Variants in PLEKHA5 observed in about 807,000 individuals in gnomAD.
PLEKHA5 encodes the protein pleckstrin homology domain-containing family A member 5.
Under a neutral mutation model 181.9 loss-of-function variants are expected in PLEKHA5, and 55 were observed. The ratio of observed to expected loss-of-function variants is 0.30; its 90% CI spans 0.24 to 0.38. The LOEUF (loss-of-function observed/expected upper bound fraction) is 0.38, where lower values mean the gene tolerates loss of function less well. Among genes scored for constraint, PLEKHA5 ranks in the 10% least tolerant of loss-of-function variants. The pLI, the probability that PLEKHA5 is intolerant of heterozygous loss-of-function variation, is 1.00. For synonymous variants in PLEKHA5, 535 were observed against 529.4 expected, an observed-to-expected ratio of 1.01 and a Z score of -0.15; for missense variants, 1,432 against 1,549.5, an observed-to-expected ratio of 0.92 and a Z score of 1.27.
At chr12:19,308,254 A>G (rs761323904) in intron 15 of PLEKHA5, among the ~76,000 whole-genome samples, 4 of 152,162 alleles carry the variant, frequency 2.6e-5, no homozygotes, top group East Asian at 1.9e-4. Context: ...TATTGCCTCT[A>G]TGGGAATCCA....
chr12:19,130,311 T>A lies in PLEKHA5; in HGVS notation c.169+181T>A, dbSNP rs965655954. Among the ~76,000 whole-genome samples the A allele has an allele frequency of 6.6e-6, 1 of 151,112 alleles. No homozygotes were observed. The highest frequency in any genetic ancestry group is 2.0e-4 in the East Asian group (1 of 5,066). The stretch of plus-strand genomic sequence containing the variant: ...GGGGACTCCGCCGCCGGGAGTTCTC[T>A]CCAGTCTCGGGGCGCCTCTTTCTCC... On this transcript the variant is annotated intron_variant, in intron 2 of 31. Transcript: ENST00000429027. This position sits in a 1 kb window ranked among gnomAD's most constrained non-coding sequence, Gnocchi z 4.5.
intron 3 of PLEKHA5, among the ~76,000 whole-genome samples, chr12:19,231,510 A>G (rs993614545): frequency 1.0e-4 from 15 of 150,190 alleles, no homozygotes; most frequent in African/African-American, 3.4e-4. Context: ...TAAGGAAACT[A>G]CAACTAAATT....
chr12:19,259,199 A>G lies in PLEKHA5; in HGVS notation c.537+1662A>G, dbSNP rs115759844. Among the ~76,000 whole-genome samples the G allele has an allele frequency of 2.2e-3, 338 of 151,650 alleles. 2 individuals carry two copies. The highest frequency in any genetic ancestry group is 7.9e-3 in the African/African-American group (327 of 41,334). ...TAGTGAGACCTCATCTCTACTTTAA[A>G]AAAAAACAAAAAACAAAGATTAACC... On this transcript the variant is annotated intron_variant, in intron 6 of 31. Coordinates refer to ENST00000429027, the MANE Select transcript of PLEKHA5 (RefSeq NM_001256470.2).
chr12:19,250,107 C>T (rs536650666), intron 3 of PLEKHA5, among the ~76,000 whole-genome samples: 8 of 152,280 alleles, frequency 5.3e-5, no homozygotes, highest in African/African-American at 1.9e-4. Flanking sequence ...AAATGCTCCC[C>T]TGGAGGCGAA....
At chr12:19,336,983 C>CTTTTTTTT (rs1227139242) in intron 21 of PLEKHA5, among the ~76,000 whole-genome samples, 88 of 112,604 alleles carry the variant, frequency 7.8e-4, no homozygotes, top group African/African-American at 1.5e-3. Flanking sequence ...TATCTTTTAT[C>CTTTTTTTT]TTTTTTTTTT....
In PLEKHA5 at chr12:19,167,405, A is replaced by ATTT. The variant is rs56086557; in HGVS notation, c.227+34982_227+34984dup. ...CACTCTGCAAGTCTTCTGAGGCTTA[A>ATTT]TTTTTTTTTTTTTTTTTTTTTTTTT... On this transcript the variant is annotated intron_variant, in intron 3 of 31. Transcript: ENST00000429027. Among the ~76,000 whole-genome samples the ATTT allele has an allele frequency of 2.4e-4, 22 of 91,230 alleles. 1 individual carries two copies. The highest frequency in any genetic ancestry group is 1.0e-3 in the South Asian group (2 of 1,986). The allele number at this position is 91,230 out of a possible 152,430, so 59.9% of individuals were successfully genotyped here.
At chr12:19,290,631 T>C in intron 13 of PLEKHA5, 46 bp from the exon 14 acceptor site, 1 of 1,487,906 alleles carries the variant, frequency 6.7e-7, no homozygotes, top group Non-Finnish European at 9.0e-7. Context: ...AAGACAACAA[T>C]TAATCTGTTT....
chr12:19,361,660 G>A lies in PLEKHA5; in HGVS notation c.3562G>A (p.Asp1188Asn). The A allele has an allele frequency of 6.3e-7, 1 of 1,590,264 alleles. No homozygotes were observed. The highest frequency in any genetic ancestry group is 8.6e-7 in the Non-Finnish European group (1 of 1,162,350). ...TGGAGTAAATTCTGTGGAAATGATG[G>A]ATAAAGAAAGAAACAAAGACAAAAT... is the stretch of plus-strand genomic sequence containing the variant. ...PNGVNSVEMM[D>N]KERNKDKMPE... Residue 1188 changes from aspartate to asparagine, a missense_variant, in exon 29 of 32, where the codon GAT becomes AAT. By Grantham distance (23) the Asp-to-Asn change is conservative. This residue lies in a region of PLEKHA5 where 1,143 missense variants were observed against 1,168.4 expected (regional missense o/e 0.98). Transcript: ENST00000429027.
intron 3 of PLEKHA5, among the ~76,000 whole-genome samples, chr12:19,210,362 A>C (rs1386757619): frequency 3.3e-5 from 5 of 152,202 alleles, no homozygotes; most frequent in African/African-American, 1.2e-4. Flanking sequence ...AAAGACTGTA[A>C]ATCCAGAACA....
chr12:19,153,511 G>A (rs1228493589), intron 3 of PLEKHA5: 3 of 152,020 alleles, frequency 2.0e-5, no homozygotes, highest in Admixed American at 1.3e-4. Context: ...TCTCTGTTAC[G>A]CGTACACACA....
intron 3 of PLEKHA5, among the ~76,000 whole-genome samples, chr12:19,170,246 A>T (rs551090917): frequency 6.6e-6 from 1 of 152,202 alleles, no homozygotes; most frequent in Non-Finnish European, 1.5e-5. Flanking sequence ...AAATATGTGG[A>T]TGGCTTATAT....
intron 16 of PLEKHA5, among the ~76,000 whole-genome samples, chr12:19,316,096 A>G (rs1027495911): frequency 6.6e-6 from 1 of 152,042 alleles, no homozygotes; most frequent in Non-Finnish European, 1.5e-5. Context: ...AGTATTTGGA[A>G]TAAGTATTAT....
At chr12:19,238,358 A>G (rs1357180981) in intron 3 of PLEKHA5, among the ~76,000 whole-genome samples, 2 of 152,126 alleles carry the variant, frequency 1.3e-5, no homozygotes, top group Non-Finnish European at 2.9e-5. Flanking sequence ...TTTAGGAATT[A>G]ACACTAACTG....
intron 3 of PLEKHA5, among the ~76,000 whole-genome samples, chr12:19,175,190 T>C (rs998747616): frequency 3.9e-5 from 6 of 152,214 alleles, no homozygotes; most frequent in Non-Finnish European, 8.8e-5. Context: ...CTTTTACTAC[T>C]GATCGAGTGT....
At chr12:19,197,949 A>G (rs927526216) in intron 3 of PLEKHA5, among the ~76,000 whole-genome samples, 4 of 151,982 alleles carry the variant, frequency 2.6e-5, no homozygotes, top group African/African-American at 7.3e-5. Flanking sequence ...CCAGTCTGTC[A>G]TCAGTGAGCC....
intron 15 of PLEKHA5, among the ~76,000 whole-genome samples, chr12:19,308,973 A>C (rs2085297550): frequency 6.6e-6 from 1 of 151,658 alleles, no homozygotes; most frequent in Non-Finnish European, 1.5e-5. Flanking sequence ...GAGGCAGGAG[A>C]ATCACTTGAA....
intron 3 of PLEKHA5, among the ~76,000 whole-genome samples, chr12:19,177,010 G>T (rs2047445930): frequency 1.3e-5 from 2 of 151,950 alleles, no homozygotes; most frequent in Non-Finnish European, 2.9e-5. Flanking sequence ...TGGGATTACA[G>T]GCACGCACCA....
chr12:19,337,684 G>T (rs1359202258), intron 21 of PLEKHA5, among the ~76,000 whole-genome samples: 1 of 151,824 alleles, frequency 6.6e-6, no homozygotes, highest in Non-Finnish European at 1.5e-5. Context: ...GAACATTTTA[G>T]TTGGAAATGC....
At chr12:19,344,006 C>T (rs1329377065) in intron 22 of PLEKHA5, among the ~76,000 whole-genome samples, 1 of 150,400 alleles carries the variant, frequency 6.6e-6, no homozygotes. Flanking sequence ...GAGCCAAGAT[C>T]ATGCCAGTGT....
Sources: gnomAD v4.1 joint callset for allele counts (sites outside exome capture counted in the v4.1 genomes callset) on GRCh38, gnomAD v4.1.1 for gene constraint, gnomAD v4.1.1 regional missense constraint, Gnocchi (gnomAD v3.1) non-coding constraint, MANE v1.5 for transcripts, NCBI Gene and HGNC (gene_info 2026-07-23, HGNC 2026-07-21) for gene names.